The following VWC2 variants were observed in gnomAD, a reference collection of about 807,000 sequenced individuals.
VWC2 encodes the protein von Willebrand factor C domain containing 2.
VWC2 carries 14 observed loss-of-function variants against 29.8 expected under a neutral mutation model. The ratio of observed to expected loss-of-function variants is 0.47; its 90% confidence interval spans 0.31 to 0.74. The LOEUF is 0.74. Ranked by LOEUF, VWC2 falls within the 30% of genes least tolerant of loss-of-function variation. The pLI is 0.05. For missense variants in VWC2, 457 were observed against 459.8 expected, an observed-to-expected ratio of 0.99 and a Z score of 0.05; for synonymous variants, 213 against 199.0, an observed-to-expected ratio of 1.07 and a Z score of -0.59.
At chr7:49,858,347 C>T (rs1338787105) in intron 3 of VWC2, among the ~76,000 whole-genome samples, 1 of 152,054 alleles carries the variant, frequency 6.6e-6, no homozygotes, top group Non-Finnish European at 1.5e-5. Flanking sequence ...AAATGTGGCA[C>T]ATATACACCA....
At chr7:49,861,609 G>A (rs1790655664) in intron 3 of VWC2, among the ~76,000 whole-genome samples, 1 of 152,172 alleles carries the variant, frequency 6.6e-6, no homozygotes, top group Non-Finnish European at 1.5e-5. Flanking sequence ...TTTCTTTTAA[G>A]AGTTTTATGA....
At chr7:49,783,505 C>T (rs1286401564) in intron 2 of VWC2, among the ~76,000 whole-genome samples, 3 of 152,142 alleles carry the variant, frequency 2.0e-5, no homozygotes, top group Non-Finnish European at 4.4e-5. Flanking sequence ...GCCTACCTAC[C>T]CTGTGACCAT....
chr7:49,875,959 G>T (rs1791397268), intron 3 of VWC2, among the ~76,000 whole-genome samples: 1 of 152,166 alleles, frequency 6.6e-6, no homozygotes, highest in Non-Finnish European at 1.5e-5. Flanking sequence ...ATGAGTCGAA[G>T]AAATTGGTGT....
In VWC2 at chr7:49,801,070, C is replaced by G. The variant is rs191590307; in HGVS notation, c.697-1641C>G. ...ACACATACACACACTCCTTAGCCCTCACTCCCAGGCAGGTTGACTGTGGTC... is the reference window on the plus strand; with the variant it reads ...ACACATACACACACTCCTTAGCCCTGACTCCCAGGCAGGTTGACTGTGGTC... On this transcript the variant is annotated intron_variant, in intron 2 of 3. Coordinates refer to ENST00000340652, the MANE Select transcript of VWC2 (RefSeq NM_198570.5). 7.9e-5 allele frequency among the ~76,000 whole-genome samples: 12 copies of G among 152,276 alleles called. No homozygotes were observed. The East Asian group carries it at 1.7e-3, about 22-fold the overall frequency.
At chr7:49,907,286 G>A (rs1041079192) in intron 3 of VWC2, among the ~76,000 whole-genome samples, 2 of 152,198 alleles carry the variant, frequency 1.3e-5, no homozygotes, top group Non-Finnish European at 2.9e-5. Flanking sequence ...ATGAAGTGGA[G>A]AGGATAAATG....
intron 3 of VWC2, among the ~76,000 whole-genome samples, chr7:49,899,596 TAA>T (rs1452076356): frequency 6.6e-6 from 1 of 152,010 alleles, no homozygotes; most frequent in Non-Finnish European, 1.5e-5. Flanking sequence ...TATATAATGA[TAA>T]ATGAGTCAAT....
At chr7:49,809,269 A>G (rs1235376472) in intron 3 of VWC2, among the ~76,000 whole-genome samples, 3 of 151,984 alleles carry the variant, frequency 2.0e-5, no homozygotes, top group Non-Finnish European at 2.9e-5. Flanking sequence ...AACAAATTAG[A>G]ATAGTTGTAA....
intron 3 of VWC2, among the ~76,000 whole-genome samples, chr7:49,875,396 A>AAAAAAAAC (rs1791370719): frequency 6.7e-6 from 1 of 148,720 alleles, no homozygotes; most frequent in Non-Finnish European, 1.5e-5. Flanking sequence ...AAAAAAAAAA[A>AAAAAAAAC]ACAGGAATAA....
chr7:49,838,140 C>G (rs1789707314), intron 3 of VWC2, among the ~76,000 whole-genome samples: 1 of 152,198 alleles, frequency 6.6e-6, no homozygotes. Flanking sequence ...TGAAGGCTGT[C>G]TTCCCTATCC....
At chr7:49,883,310 C>T (rs962102563) in intron 3 of VWC2, among the ~76,000 whole-genome samples, 4 of 151,550 alleles carry the variant, frequency 2.6e-5, no homozygotes, top group African/African-American at 4.9e-5. Flanking sequence ...CAAACCAGGC[C>T]GAGTTAGCAA....
At chr7:49,868,087 G>T (rs1790989736) in intron 3 of VWC2, among the ~76,000 whole-genome samples, 1 of 152,046 alleles carries the variant, frequency 6.6e-6, no homozygotes, top group Non-Finnish European at 1.5e-5. Context: ...ACCCACCTCG[G>T]CCTCCCAAAG....
intron 2 of VWC2, among the ~76,000 whole-genome samples, chr7:49,788,882 GGTGT>G (rs989703559): frequency 6.7e-6 from 1 of 148,794 alleles, no homozygotes; most frequent in Non-Finnish European, 1.5e-5. Context: ...GGGGTGTGAG[GGTGT>G]GTGTGGAGTG....
intron 3 of VWC2, among the ~76,000 whole-genome samples, chr7:49,844,661 C>T (rs1164109929): frequency 6.6e-6 from 1 of 152,148 alleles, no homozygotes; most frequent in Non-Finnish European, 1.5e-5. Flanking sequence ...ACGTAGCAGC[C>T]ACATTACCTT....
At chr7:49,877,470 A>AAAAAAAAT (rs1398440878) in intron 3 of VWC2, among the ~76,000 whole-genome samples, 1,644 of 39,822 alleles carry the variant, frequency 0.041, 347 homozygotes, top group Non-Finnish European at 0.055. Flanking sequence ...CTCAAAAAAA[A>AAAAAAAAT]AAAAAAAAAA....
intron 2 of VWC2, among the ~76,000 whole-genome samples, chr7:49,793,143 T>G (rs1562707336): frequency 1.3e-5 from 2 of 152,150 alleles, no homozygotes; most frequent in Non-Finnish European, 2.9e-5. Flanking sequence ...TGGTTGGAGG[T>G]GATCAGTGGG....
In VWC2 at chr7:49,853,160, G is replaced by A. The variant is rs143994486; in HGVS notation, c.826+50320G>A. Among the ~76,000 whole-genome samples, 13 of 152,372 alleles carry A rather than the reference G, an allele frequency of 8.5e-5. No homozygotes were observed. In the East Asian group the frequency reaches 2.5e-3, roughly 29 times the overall value. On this transcript the variant is annotated intron_variant, in intron 3 of 3. Coordinates refer to ENST00000340652, the MANE Select transcript of VWC2 (RefSeq NM_198570.5). ...TCTGAACAGGAGCAGTCACTGGGGT[G>A]GACTTGGTTTTGTTCTGGATCCCAG...
chr7:49,788,891 GGA>G (rs1788376674), intron 2 of VWC2, among the ~76,000 whole-genome samples: 1 of 141,954 alleles, frequency 7.0e-6, no homozygotes, highest in Non-Finnish European at 1.5e-5. Context: ...GGGTGTGTGT[GGA>G]GTGAGTGTGG....
intron 3 of VWC2, among the ~76,000 whole-genome samples, chr7:49,893,160 A>G (rs1379027906): frequency 1.3e-5 from 2 of 152,212 alleles, no homozygotes; most frequent in African/African-American, 4.8e-5. Context: ...GATATATTTT[A>G]TATCTTGAAT....
At chr7:49,850,643 G>C (rs1355878989) in intron 3 of VWC2, 1 of 152,204 alleles carries the variant, frequency 6.6e-6, no homozygotes, top group Middle Eastern at 3.2e-3. Context: ...AGGATCAACT[G>C]TTTGTGATTA....
Sources: gnomAD v4.1 joint callset for allele counts (sites outside exome capture counted in the v4.1 genomes callset) on GRCh38, gnomAD v4.1.1 for gene constraint, MANE v1.5 for transcripts, NCBI Gene and HGNC (gene_info 2026-07-23, HGNC 2026-07-21) for gene names.